Variants in NELL1 observed in about 807,000 individuals in gnomAD.
The protein encoded by NELL1 is protein kinase C-binding protein NELL1.
A neutral mutation model predicts 107.4 loss-of-function variants in NELL1; 76 were observed. That is an observed-to-expected ratio of 0.71 (90% confidence interval 0.59 to 0.86). The LOEUF (loss-of-function observed/expected upper bound fraction) is 0.86, where lower values mean the gene tolerates loss of function less well. Among genes scored for constraint, NELL1 ranks in the 40% least tolerant of loss-of-function variants. The pLI is 0.00. For synonymous variants in NELL1, 353 were observed against 341.2 expected, an observed-to-expected ratio of 1.03 and a Z score of -0.38; for missense variants, 1,024 against 1,005.5, an observed-to-expected ratio of 1.02 and a Z score of -0.25.
At chr11:21,129,864 T>A (rs1046619935) in intron 13 of NELL1, among the ~76,000 whole-genome samples, 1 of 152,178 alleles carries the variant, frequency 6.6e-6, no homozygotes, top group African/African-American at 2.4e-5. Context: ...TAAATGTGCT[T>A]AATACCACTG....
chr11:20,998,206 C>T (rs539191356), intron 12 of NELL1, among the ~76,000 whole-genome samples: 1 of 152,012 alleles, frequency 6.6e-6, no homozygotes, highest in South Asian at 2.1e-4. Context: ...TGTGTATTTT[C>T]ATTGTTTTAC....
At chr11:20,864,193 T>C (rs988372727) in intron 4 of NELL1, among the ~76,000 whole-genome samples, 15 of 152,286 alleles carry the variant, frequency 9.8e-5, no homozygotes, top group Non-Finnish European at 2.2e-4. Flanking sequence ...ATTTTTTAAA[T>C]AGAAAATTGT....
At chr11:21,545,632 A>AT (rs1452211302) in intron 16 of NELL1, among the ~76,000 whole-genome samples, 2 of 150,902 alleles carry the variant, frequency 1.3e-5, no homozygotes, top group African/African-American at 4.8e-5. Flanking sequence ...TGAAGTTGAT[A>AT]AGCAAATTGT....
At chr11:21,417,715 C>T (rs1401624198) in intron 15 of NELL1, among the ~76,000 whole-genome samples, 5 of 152,036 alleles carry the variant, frequency 3.3e-5, no homozygotes, top group Non-Finnish European at 5.9e-5. Flanking sequence ...TTCTCATCCC[C>T]ATTACCTGAG....
intron 14 of NELL1, among the ~76,000 whole-genome samples, chr11:21,345,821 G>T (rs1424835797): frequency 2.0e-5 from 3 of 152,106 alleles, no homozygotes; most frequent in East Asian, 3.9e-4. Flanking sequence ...AGAACTTACA[G>T]CCTTATGTAT....
chr11:21,344,180 C>G (rs547474574), intron 14 of NELL1, among the ~76,000 whole-genome samples: 14 of 152,260 alleles, frequency 9.2e-5, no homozygotes, highest in Non-Finnish European at 5.9e-5. Flanking sequence ...TCCTTGAAAC[C>G]AGCCAGTGTT....
At chr11:21,031,225 C>A (rs948420586) in intron 12 of NELL1, among the ~76,000 whole-genome samples, 9 of 152,186 alleles carry the variant, frequency 5.9e-5, no homozygotes, top group Non-Finnish European at 1.2e-4. Flanking sequence ...ATATTTAGAT[C>A]ATTTTCAATT....
intron 15 of NELL1, among the ~76,000 whole-genome samples, chr11:21,479,333 A>G (rs1166349630): frequency 6.6e-6 from 1 of 152,030 alleles, no homozygotes; most frequent in Non-Finnish European, 1.5e-5. Flanking sequence ...TGGTACCTAT[A>G]TATACTGAAA....
intron 15 of NELL1, among the ~76,000 whole-genome samples, chr11:21,379,030 G>A (rs771450407): frequency 1.4e-4 from 22 of 151,986 alleles, no homozygotes; most frequent in Non-Finnish European, 2.6e-4. Flanking sequence ...GCACTGAAAT[G>A]CTTTCTGTAT....
chr11:21,332,027 A>T (rs1210890394), intron 14 of NELL1, among the ~76,000 whole-genome samples: 38 of 147,590 alleles, frequency 2.6e-4, no homozygotes, highest in Admixed American at 2.5e-3. Context: ...CCTAGGGCTC[A>T]GTTAGTTCTA....
chr11:21,498,327 A>C (rs1256348926), intron 15 of NELL1, among the ~76,000 whole-genome samples: 1 of 123,204 alleles, frequency 8.1e-6, no homozygotes, highest in African/African-American at 2.7e-5. Context: ...CACATCCATA[A>C]ACATATTATA....
intron 15 of NELL1, among the ~76,000 whole-genome samples, chr11:21,525,525 A>G (rs568853203): frequency 9.6e-4 from 147 of 152,378 alleles, no homozygotes; most frequent in African/African-American, 3.4e-3. Context: ...GGTTAGCAGC[A>G]GAAGAAGCTA....
chr11:20,699,430 C>T (rs35388769), intron 2 of NELL1, among the ~76,000 whole-genome samples: 29,916 of 151,520 alleles, frequency 0.2, 3,224 homozygotes, highest in African/African-American at 0.25. Context: ...GTGCGATCTC[C>T]GCTCACTGCA....
intron 13 of NELL1, among the ~76,000 whole-genome samples, chr11:21,123,267 T>C (rs11025931): frequency 0.14 from 21,930 of 151,964 alleles, 1,657 homozygotes; most frequent in Non-Finnish European, 0.17. Flanking sequence ...GCTTCTTTTG[T>C]AGTACTTGGA....
chr11:21,106,134 A>T (rs911274119), intron 12 of NELL1, among the ~76,000 whole-genome samples: 1 of 151,716 alleles, frequency 6.6e-6, no homozygotes, highest in Non-Finnish European at 1.5e-5. Context: ...AATATTTAAA[A>T]AATAATGCTA....
intron 3 of NELL1, among the ~76,000 whole-genome samples, chr11:20,838,801 C>T (rs1205826264): frequency 6.6e-6 from 1 of 152,070 alleles, no homozygotes; most frequent in Non-Finnish European, 1.5e-5. Flanking sequence ...GTCATTAGTA[C>T]AATTACCATT....
intron 13 of NELL1, among the ~76,000 whole-genome samples, chr11:21,159,919 G>A (rs1217125989): frequency 1.3e-5 from 2 of 152,254 alleles, no homozygotes; most frequent in Non-Finnish European, 2.9e-5. Flanking sequence ...CTATTTAGCT[G>A]TGACCAACTC....
At chr11:20,759,035 C>T (rs1856360129) in intron 2 of NELL1, among the ~76,000 whole-genome samples, 1 of 152,130 alleles carries the variant, frequency 6.6e-6, no homozygotes, top group Admixed American at 6.5e-5. Context: ...GAATTTTATC[C>T]CATCTTACAG....
chr11:20,818,457 A>G (rs1160102427), intron 3 of NELL1, among the ~76,000 whole-genome samples: 1 of 148,598 alleles, frequency 6.7e-6, no homozygotes, highest in Non-Finnish European at 1.5e-5. Flanking sequence ...ACTGCTATTC[A>G]GAGAAATTGA....
Sources: allele counts gnomAD v4.1 joint callset (sites outside exome capture counted in the v4.1 genomes callset), GRCh38; gene constraint gnomAD v4.1.1; transcripts MANE v1.5; gene names NCBI Gene and HGNC (gene_info 2026-07-23, HGNC 2026-07-21).